The following PPP1R3A variants were observed in gnomAD, a reference collection of about 807,000 sequenced individuals.
PPP1R3A encodes protein phosphatase 1 regulatory subunit 3A.
A neutral mutation model predicts 41.7 loss-of-function variants in PPP1R3A; 29 were observed. The observed-to-expected ratio is 0.70, with a 90% confidence interval of 0.52 to 0.95. The LOEUF is 0.95. Ranked by LOEUF, PPP1R3A falls within the 40% of genes least tolerant of loss-of-function variation. The probability of loss-of-function intolerance (pLI) is 0.00; values close to 1 mark genes in which losing one functional copy is unlikely to be tolerated. For synonymous variants in PPP1R3A, 485 were observed against 453.4 expected, an observed-to-expected ratio of 1.07 and a Z score of -0.89; for missense variants, 1,352 against 1,292.4, an observed-to-expected ratio of 1.05 and a Z score of -0.71.
intron 1 of PPP1R3A, among the ~76,000 whole-genome samples, chr7:113,909,645 G>A (rs576999743): frequency 6.6e-6 from 1 of 151,922 alleles, no homozygotes; most frequent in African/African-American, 2.4e-5. Context: ...CTACAAACTT[G>A]TTTTCTAGTT....
chr7:113,908,889 A>G (rs1797190747), intron 1 of PPP1R3A, among the ~76,000 whole-genome samples: 2 of 151,992 alleles, frequency 1.3e-5, no homozygotes, highest in South Asian at 4.1e-4. Context: ...TAACATAGAA[A>G]CAGAAACTCA....
chr7:113,916,377 T>C (rs1332354228), intron 1 of PPP1R3A, among the ~76,000 whole-genome samples: 2 of 152,074 alleles, frequency 1.3e-5, no homozygotes, highest in African/African-American at 4.8e-5. Context: ...TGGATACATA[T>C]AGTTCTACAT....
rs1319301933 is a variant in PPP1R3A at position 113,879,153 on chromosome 7, C to A, written c.1939G>T (p.Asp647Tyr). 6.2e-7 allele frequency: 1 copy of A among 1,613,558 alleles called. No individual in the cohort carries two copies. The highest frequency in any genetic ancestry group is 1.3e-5 in the African/African-American group (1 of 74,886). Residue 647 changes from aspartate to tyrosine, a missense_variant, in exon 4 of 4, where the codon GAT (aspartate) becomes TAT (tyrosine). Transcript: ENST00000284601. ...CTTTGTTTATGCTGTGGGCTATTAT[C>A]CTGATCTTCAGAATTAATCCCACCT... ...KSGGINSEDQ[D>Y]NSPQHKQSWN...
At chr7:113,891,098 A>AC (rs1370250319) in intron 1 of PPP1R3A, among the ~76,000 whole-genome samples, 1 of 149,474 alleles carries the variant, frequency 6.7e-6, no homozygotes. Context: ...AAAAAAAAAA[A>AC]AAAAAAAAAA....
rs150965727 is a variant in PPP1R3A at position 113,878,248 on chromosome 7, C to T, written c.2844G>A (p.Thr948=). The T allele has an allele frequency of 1.3e-5, 21 of 1,612,980 alleles. No individual in the cohort carries two copies. Among genetic ancestry groups the T allele is most frequent in the East Asian group, 6.7e-5 (3 of 44,828 alleles). The part of the protein sequence containing the change: ...VTTMASQPIS[T]KSENICNSTR... Reference sequence around the variant, plus strand: ...TTGAATTACAAATATTTTCTGATTTCGTAGAAATAGGTTGGCTAGCCATGG... The same window carrying T: ...TTGAATTACAAATATTTTCTGATTTTGTAGAAATAGGTTGGCTAGCCATGG... The change falls in exon 4 of 4, where the codon ACG becomes ACA. Residue 948 remains threonine (T), a synonymous_variant. Transcript: ENST00000284601.
intron 1 of PPP1R3A, among the ~76,000 whole-genome samples, chr7:113,911,998 T>C (rs1797260105): frequency 1.3e-5 from 2 of 152,100 alleles, no homozygotes; most frequent in South Asian, 4.1e-4. Context: ...ATTATCCCTA[T>C]TTTACACTTG....
intron 1 of PPP1R3A, among the ~76,000 whole-genome samples, chr7:113,892,036 C>G (rs1226308995): frequency 6.6e-6 from 1 of 152,038 alleles, no homozygotes; most frequent in African/African-American, 2.4e-5. Flanking sequence ...CCTTAACACT[C>G]AGCCTGAAAG....
At position 113,904,817 on chromosome 7, in the gene PPP1R3A, C is replaced by T. The variant is rs183292531; in HGVS notation, c.782+13398G>A. Among the ~76,000 whole-genome samples the T allele has an allele frequency of 2.9e-3, 435 of 151,690 alleles. 2 individuals are homozygous for T. Among genetic ancestry groups the T allele is most frequent in the African/African-American group, 0.01 (415 of 41,464 alleles). ...TAAAAACAGTATCCCTCCATATTTT[C>T]CAGTCAACAGCTAATTCGTTCTCAA... On this transcript the variant is annotated intron_variant, in intron 1 of 3. Coordinates refer to ENST00000284601, the MANE Select transcript of PPP1R3A (RefSeq NM_002711.4).
chr7:113,915,468 G>A (rs1797322390), intron 1 of PPP1R3A, among the ~76,000 whole-genome samples: 1 of 151,072 alleles, frequency 6.6e-6, no homozygotes, highest in Non-Finnish European at 1.5e-5. Context: ...TTTCATTTTA[G>A]CTATGACTGA....
At chr7:113,908,896 C>T (rs562897842) in intron 1 of PPP1R3A, among the ~76,000 whole-genome samples, 24 of 151,936 alleles carry the variant, frequency 1.6e-4, no homozygotes, top group Non-Finnish European at 3.2e-4. Flanking sequence ...GAAACAGAAA[C>T]TCAAATACTG....
chr7:113,907,246 C>T (rs1325808048), intron 1 of PPP1R3A, among the ~76,000 whole-genome samples: 1 of 151,786 alleles, frequency 6.6e-6, no homozygotes, highest in Non-Finnish European at 1.5e-5. Context: ...AGCCCTATTA[C>T]AATCACATTG....
intron 1 of PPP1R3A, among the ~76,000 whole-genome samples, chr7:113,890,124 T>C (rs1050371667): frequency 1.3e-5 from 2 of 151,610 alleles, no homozygotes; most frequent in Non-Finnish European, 1.5e-5. Flanking sequence ...TAATCCAAGA[T>C]ACAATTTAGT....
chr7:113,885,046 A>C (rs1017864354), intron 1 of PPP1R3A, among the ~76,000 whole-genome samples: 5 of 152,138 alleles, frequency 3.3e-5, no homozygotes, highest in Admixed American at 2.6e-4. Context: ...AGATGGTTGA[A>C]GCTGCAGGCT....
At chr7:113,899,173 C>G (rs561542764) in intron 1 of PPP1R3A, among the ~76,000 whole-genome samples, 2 of 151,844 alleles carry the variant, frequency 1.3e-5, no homozygotes, top group African/African-American at 4.8e-5. Context: ...CTTAAAAATG[C>G]CCAGTCACCT....
chr7:113,879,084 T>C lies in PPP1R3A; in HGVS notation c.2008A>G (p.Thr670Ala), dbSNP rs1796631832. The C allele has an allele frequency of 6.2e-7, 1 of 1,613,702 alleles. No homozygotes were observed. The highest frequency in any genetic ancestry group is 1.7e-5 in the Admixed American group (1 of 59,938). Residue 670 changes from threonine (T) to alanine (A), a missense_variant, in exon 4 of 4, where the codon ACA (threonine) becomes GCA (alanine). Transcript: ENST00000284601. Reference sequence around the variant, plus strand: ...CCTTTGATATGCTCTGTTATGTTTGTCTTATTCTCTCTTGATTTTCCCTGA... The same window carrying C: ...CCTTTGATATGCTCTGTTATGTTTGCCTTATTCTCTCTTGATTTTCCCTGA... Reference protein sequence around the residue: ...ESQGKSRENKTNITEHIKGQT... With the variant: ...ESQGKSRENKANITEHIKGQT...
At chr7:113,910,705 T>G (rs568338636) in intron 1 of PPP1R3A, among the ~76,000 whole-genome samples, 25 of 152,258 alleles carry the variant, frequency 1.6e-4, no homozygotes, top group Non-Finnish European at 3.4e-4. Context: ...GTAATTGTGT[T>G]AACACATCCA....
At position 113,914,437 on chromosome 7, in the gene PPP1R3A, C is replaced by A. The variant is rs565423464; in HGVS notation, c.782+3778G>T. ...GTGGAAATTTTAACATTCCTAAGTT[C>A]TCTTCCAGCTTTAAGATAATTCATA... is the stretch of plus-strand genomic sequence containing the variant. On this transcript the variant is annotated intron_variant, in intron 1 of 3. Transcript: ENST00000284601. Among the ~76,000 whole-genome samples, 6 of 152,190 alleles carry A rather than the reference C, an allele frequency of 3.9e-5. No homozygotes were observed. In the East Asian group the frequency reaches 1.2e-3, roughly 29 times the overall value.
chr7:113,885,616 T>C (rs1584814097), intron 1 of PPP1R3A, among the ~76,000 whole-genome samples: 1 of 151,758 alleles, frequency 6.6e-6, no homozygotes, highest in African/African-American at 2.4e-5. Flanking sequence ...GAAGAATAGA[T>C]ACAAAACTAT....
chr7:113,878,474 T>C lies in PPP1R3A; in HGVS notation c.2618A>G (p.Lys873Arg), dbSNP rs749560783. 5.3e-5 allele frequency: 86 copies of C among 1,612,902 alleles called. No individual in the cohort carries two copies. In the Admixed American group the frequency reaches 1.4e-3, roughly 26 times the overall value. ...DLQLGMLPTDKTVFSENRDLR... is the reference protein window; with the variant it reads ...DLQLGMLPTDRTVFSENRDLR... Reference sequence around the variant, plus strand: ...ATCTCTGTTTTCTGAAAATACAGTTTTGTCTGTTGGTAACATTCCCAACTG... The same window carrying C: ...ATCTCTGTTTTCTGAAAATACAGTTCTGTCTGTTGGTAACATTCCCAACTG... Residue 873 changes from lysine to arginine, a missense_variant, in exon 4 of 4, where the codon AAA becomes AGA. Physicochemically the swap from Lys to Arg is conservative, Grantham distance 26. Transcript: ENST00000284601.
Sources: allele counts gnomAD v4.1 joint callset (sites outside exome capture counted in the v4.1 genomes callset), GRCh38; gene constraint gnomAD v4.1.1; transcripts MANE v1.5; gene names NCBI Gene and HGNC (gene_info 2026-07-23, HGNC 2026-07-21).